MBD5: variants seen among roughly 807,000 people sequenced by gnomAD.
MBD5 encodes methyl-CpG binding domain protein 5.
Under a neutral mutation model 117.3 loss-of-function variants are expected in MBD5, and 13 were observed. The ratio of observed to expected loss-of-function variants is 0.11; its 90% CI spans 0.07 to 0.18. The LOEUF (loss-of-function observed/expected upper bound fraction) is 0.18, where lower values mean the gene tolerates loss of function less well. Among genes scored for constraint, MBD5 ranks in the 10% least tolerant of loss-of-function variants. The probability of loss-of-function intolerance (pLI) is 1.00; values close to 1 mark genes in which losing one functional copy is unlikely to be tolerated. For missense variants in MBD5, 1,879 were observed against 2,093.8 expected, an observed-to-expected ratio of 0.90 and a Z score of 2.00; for synonymous variants, 727 against 766.4, an observed-to-expected ratio of 0.95 and a Z score of 0.85.
intron 3 of MBD5, among the ~76,000 whole-genome samples, chr2:148,250,179 G>A (rs752184307): frequency 3.9e-5 from 6 of 152,150 alleles, no homozygotes; most frequent in Non-Finnish European, 7.4e-5. Flanking sequence ...GATGGAGCTG[G>A]AGGCCATTAT....
intron 4 of MBD5, among the ~76,000 whole-genome samples, chr2:148,358,056 A>C (rs1703431478): frequency 6.6e-6 from 1 of 152,096 alleles, no homozygotes. Flanking sequence ...AATATATTGA[A>C]ATCTCACATC....
chr2:148,441,282 T>C (rs1448073258), intron 4 of MBD5, among the ~76,000 whole-genome samples: 1 of 151,866 alleles, frequency 6.6e-6, no homozygotes, highest in Non-Finnish European at 1.5e-5. Context: ...CAGGCCCCAG[T>C]GTGTGATGTT....
intron 4 of MBD5, among the ~76,000 whole-genome samples, chr2:148,421,450 A>G (rs1458623047): frequency 6.6e-6 from 1 of 152,116 alleles, no homozygotes; most frequent in Non-Finnish European, 1.5e-5. Context: ...AGATTCTCTC[A>G]GTGCCTACGC....
chr2:148,139,085 A>G (rs1381431733), intron 1 of MBD5, among the ~76,000 whole-genome samples: 1 of 152,168 alleles, frequency 6.6e-6, no homozygotes, highest in Non-Finnish European at 1.5e-5. Flanking sequence ...GAGTTTAGCA[A>G]ATTTTGAAAC....
At chr2:148,215,396 A>G (rs543011234) in intron 2 of MBD5, among the ~76,000 whole-genome samples, 8 of 152,352 alleles carry the variant, frequency 5.3e-5, no homozygotes, top group Middle Eastern at 3.4e-3. Flanking sequence ...TTTAATGCAT[A>G]AAATACATAA....
At chr2:148,211,497 A>G (rs1306751809) in intron 2 of MBD5, among the ~76,000 whole-genome samples, 1 of 152,174 alleles carries the variant, frequency 6.6e-6, no homozygotes, top group Non-Finnish European at 1.5e-5. Flanking sequence ...GAATAAGCAC[A>G]CTGTGGCCCA....
chr2:148,061,918 T>G (rs1017893653), intron 1 of MBD5, among the ~76,000 whole-genome samples: 1 of 148,714 alleles, frequency 6.7e-6, no homozygotes, highest in Admixed American at 6.7e-5. Flanking sequence ...TTCCCATGGG[T>G]TTTTTTTTTC....
chr2:148,245,780 C>T (rs1264287670), intron 3 of MBD5, among the ~76,000 whole-genome samples: 1 of 152,140 alleles, frequency 6.6e-6, no homozygotes, highest in African/African-American at 2.4e-5. Flanking sequence ...TGAAAACATT[C>T]TACTAAGCAG....
intron 3 of MBD5, among the ~76,000 whole-genome samples, chr2:148,301,958 A>G (rs993370343): frequency 5.3e-5 from 8 of 152,092 alleles, no homozygotes; most frequent in African/African-American, 1.9e-4. Flanking sequence ...GTGACCAATT[A>G]TTATTTTAGA....
intron 1 of MBD5, among the ~76,000 whole-genome samples, chr2:148,100,284 C>G (rs1696173733): frequency 6.6e-6 from 1 of 152,156 alleles, no homozygotes; most frequent in Non-Finnish European, 1.5e-5. Flanking sequence ...AAAATTAGAT[C>G]ACATTAACTT....
chr2:148,443,129 C>G (rs958326980), intron 4 of MBD5, among the ~76,000 whole-genome samples: 1 of 151,328 alleles, frequency 6.6e-6, no homozygotes, highest in Non-Finnish European at 1.5e-5. Context: ...AAGTGGCAAA[C>G]AGGCATATGA....
rs73015113 is a variant in MBD5 at position 148,336,924 on chromosome 2, T to C, written c.-679-5290T>C. On this transcript the variant is annotated intron_variant, in intron 3 of 13. Transcript: ENST00000642680. ...CCATGGTCCTTGCTGTAATTTCCAA[T>C]TGTGAGAACCATGTATTCCTTACCC... 4.7e-3 allele frequency among the ~76,000 whole-genome samples: 712 copies of C among 152,292 alleles called. 6 individuals are homozygous for C. Among genetic ancestry groups the C allele is most frequent in the African/African-American group, 0.016 (664 of 41,556 alleles).
chr2:148,320,425 T>G (rs1574281801), intron 3 of MBD5, among the ~76,000 whole-genome samples: 1 of 152,116 alleles, frequency 6.6e-6, no homozygotes, highest in Non-Finnish European at 1.5e-5. Flanking sequence ...TGAGTTATGG[T>G]TCACTGCAGC....
chr2:148,356,408 T>C (rs947822005), intron 4 of MBD5, among the ~76,000 whole-genome samples: 14 of 152,224 alleles, frequency 9.2e-5, no homozygotes, highest in African/African-American at 3.1e-4. Flanking sequence ...TTAATTTTCT[T>C]AATTTTTAAA....
At chr2:148,379,991 T>C (rs2105426077) in intron 4 of MBD5, among the ~76,000 whole-genome samples, 1 of 152,188 alleles carries the variant, frequency 6.6e-6, no homozygotes, top group African/African-American at 2.4e-5. Flanking sequence ...CTAAGAACAT[T>C]AGCAATTGCT....
intron 1 of MBD5, among the ~76,000 whole-genome samples, chr2:148,063,618 T>C (rs1695100797): frequency 6.6e-6 from 1 of 152,146 alleles, no homozygotes. Context: ...GCTACACATA[T>C]TTTGGATGAC....
intron 12 of MBD5, 97 bp downstream of exon 12, chr2:148,502,606 C>T: frequency 8.5e-7 from 1 of 1,177,412 alleles, no homozygotes. Context: ...TCTGTCCACG[C>T]TGTGGCCTGC....
At chr2:148,251,571 T>C (rs1185705291) in intron 3 of MBD5, among the ~76,000 whole-genome samples, 1 of 152,240 alleles carries the variant, frequency 6.6e-6, no homozygotes, top group Non-Finnish European at 1.5e-5. Context: ...AACATAAATT[T>C]ATTCATAGTA....
At chr2:148,420,711 TTTGTTTTG>T (rs1420780832) in intron 4 of MBD5, among the ~76,000 whole-genome samples, 1 of 148,534 alleles carries the variant, frequency 6.7e-6, no homozygotes, top group Non-Finnish European at 1.5e-5. Context: ...TTTGTTTTGT[TTTGTTTTG>T]TTTTGTTTTG....
Sources: gnomAD v4.1 joint callset for allele counts (sites outside exome capture counted in the v4.1 genomes callset) on GRCh38, gnomAD v4.1.1 for gene constraint, MANE v1.5 for transcripts, NCBI Gene and HGNC (gene_info 2026-07-23, HGNC 2026-07-21) for gene names.